The following HSPA4L variants were observed in gnomAD, a reference collection of about 807,000 sequenced individuals.
HSPA4L encodes heat shock 70 kDa protein 4L.
Under a neutral mutation model 100.3 loss-of-function variants are expected in HSPA4L, and 48 were observed. The ratio of observed to expected loss-of-function variants is 0.48; its 90% CI spans 0.38 to 0.61. HSPA4L has a LOEUF of 0.61. HSPA4L is among the 20% of genes least tolerant of loss of function. HSPA4L has a pLI of 0.00. For missense variants in HSPA4L, 886 were observed against 988.6 expected (o/e 0.90, Z 1.39); for synonymous variants, 319 against 328.2 (o/e 0.97, Z 0.30).
intron 17 of HSPA4L, among the ~76,000 whole-genome samples, chr4:127,829,993 TTC>T (rs1553935082): frequency 6.6e-6 from 1 of 152,028 alleles, no homozygotes; most frequent in Non-Finnish European, 1.5e-5. Flanking sequence ...GGGGTTTTTT[TTC>T]TTCATATATA....
In HSPA4L at chr4:127,795,777, A is replaced by T. The variant is rs1306083724; in HGVS notation, c.175A>T (p.Asn59Tyr). Residue 59 changes from asparagine (N) to tyrosine (Y), a missense_variant, in exon 3 of 19, where the codon AAC (asparagine) becomes TAC (tyrosine). Physicochemically the swap from Asn to Tyr is moderately radical, Grantham distance 143. Coordinates refer to ENST00000296464, the MANE Select transcript of HSPA4L (RefSeq NM_014278.4). ...GNAAKSQIVTNVRNTIHGFKK... is the reference protein window; with the variant it reads ...GNAAKSQIVTYVRNTIHGFKK... The stretch of plus-strand genomic sequence containing the variant: ...TGTTTACTGCCAACAGATAGTCACG[A>T]ACGTAAGAAATACAATTCATGGCTT... 6.2e-7 allele frequency: 1 copy of T among 1,613,578 alleles called. No homozygotes were observed. The highest frequency in any genetic ancestry group is 2.2e-5 in the East Asian group (1 of 44,846).
At chr4:127,783,378 G>T (rs1732623134) in intron 1 of HSPA4L, 2 of 438,000 alleles carry the variant, frequency 4.6e-6, no homozygotes, top group African/African-American at 4.3e-5. Context: ...GGGTTGGGTC[G>T]GACCAAAAGC....
At chr4:127,796,924 C>T (rs1733037272) in intron 3 of HSPA4L, among the ~76,000 whole-genome samples, 3 of 152,182 alleles carry the variant, frequency 2.0e-5, no homozygotes, top group Non-Finnish European at 4.4e-5. Context: ...CTGAATTGTA[C>T]ACTTCAGAAG....
rs906759106 is a variant in HSPA4L at position 127,835,085 on chromosome 4, T to C, written c.*2211T>C. ...GTGCTCTCTTTAATGCAGCTTTGGG[T>C]AGACAGTCTAATTCAGTCCAATTTT... On this transcript the variant is annotated 3_prime_UTR_variant, in exon 19 of 19. Transcript: ENST00000296464. The C allele has an allele frequency of 4.6e-5, 7 of 152,140 alleles. No individual in the cohort carries two copies. Among genetic ancestry groups the C allele is most frequent in the African/African-American group, 1.7e-4 (7 of 41,432 alleles). 9.4% of individuals were successfully genotyped at this position (152,140 alleles called of 1,614,324 possible).
intron 1 of HSPA4L, chr4:127,783,446 T>A (rs1732626167): frequency 1.5e-6 from 2 of 1,359,378 alleles, no homozygotes; most frequent in African/African-American, 2.9e-5. Flanking sequence ...TAAACATGAC[T>A]GTGGAGTGAT....
At position 127,792,860 on chromosome 4, in the gene HSPA4L, T is replaced by C. The variant is rs189864975; in HGVS notation, c.108-1217T>C. ...CATTTGAGCAGAGACCTGAAAGGAG[T>C]GAGAGCACCAGCCACATGGATGTAT... is the stretch of plus-strand genomic sequence containing the variant. On this transcript the variant is annotated intron_variant, in intron 1 of 18. Transcript: ENST00000296464. Among the ~76,000 whole-genome samples, 475 of 152,086 alleles carry C rather than the reference T, an allele frequency of 3.1e-3. 4 individuals carry two copies. Among genetic ancestry groups the C allele is most frequent in the African/African-American group, 0.011 (459 of 41,480 alleles).
intron 1 of HSPA4L, among the ~76,000 whole-genome samples, chr4:127,789,664 C>A (rs1263600318): frequency 6.6e-6 from 1 of 150,954 alleles, no homozygotes; most frequent in African/African-American, 2.4e-5. Context: ...AAAAAGAAAA[C>A]CCTCCCTTTA....
At chr4:127,802,841 T>G (rs549247129) in intron 6 of HSPA4L, among the ~76,000 whole-genome samples, 4 of 152,264 alleles carry the variant, frequency 2.6e-5, no homozygotes, top group Middle Eastern at 3.4e-3. Flanking sequence ...CCACGCAGAT[T>G]GTACTCATAT....
chr4:127,814,354 T>C (rs1319339338), intron 12 of HSPA4L, among the ~76,000 whole-genome samples: 1 of 152,210 alleles, frequency 6.6e-6, no homozygotes, highest in Admixed American at 6.5e-5. Context: ...GTAGCTAACA[T>C]TATGGATCAT....
At chr4:127,791,534 T>TG (rs1732875024) in intron 1 of HSPA4L, among the ~76,000 whole-genome samples, 1 of 152,236 alleles carries the variant, frequency 6.6e-6, no homozygotes, top group African/African-American at 2.4e-5. Context: ...CACATATGGC[T>TG]GGTGGCTAGT....
In HSPA4L at chr4:127,808,136, T is replaced by TA. The variant is rs760001129; in HGVS notation, c.1378+15dup. ...TATCCTGATGCAAGAATTGGTAAGA[T>TA]AAAAAAAAGTTCTCCATAACATTTT... On this transcript the variant is annotated splice_region_variant and intron_variant, in intron 11 of 18. Coordinates refer to ENST00000296464, the MANE Select transcript of HSPA4L (RefSeq NM_014278.4). 10 of 1,579,468 alleles carry TA rather than the reference T, an allele frequency of 6.3e-6. No individual in the cohort carries two copies. Among genetic ancestry groups the TA allele is most frequent in the Admixed American group, 2.0e-5 (1 of 49,444 alleles).
intron 12 of HSPA4L, among the ~76,000 whole-genome samples, chr4:127,815,650 AT>A (rs1578713329): frequency 1.3e-5 from 2 of 152,018 alleles, no homozygotes; most frequent in African/African-American, 4.8e-5. Context: ...TATTTTTTTA[AT>A]TCCACATATT....
At chr4:127,783,366 C>T (rs1165245695) in intron 1 of HSPA4L, among the ~76,000 whole-genome samples, 1 of 151,904 alleles carries the variant, frequency 6.6e-6, no homozygotes, top group Non-Finnish European at 1.5e-5. Flanking sequence ...TGGAATGCGG[C>T]GGGGTTGGGT....
chr4:127,817,250 G>C (rs1257262479), intron 12 of HSPA4L, among the ~76,000 whole-genome samples: 1 of 152,036 alleles, frequency 6.6e-6, no homozygotes, highest in African/African-American at 2.4e-5. Flanking sequence ...ATTTTTAGTA[G>C]AGACAGGGTT....
rs528040530 is a variant in HSPA4L, at chr4:127,819,737, AT to A, written c.1675-688del. Among the ~76,000 whole-genome samples the A allele has an allele frequency of 3.1e-3, 477 of 152,230 alleles. 4 individuals carry two copies. The highest frequency in any genetic ancestry group is 0.011 in the African/African-American group (461 of 41,550). On this transcript the variant is annotated intron_variant, in intron 13 of 18. Transcript: ENST00000296464. ...ACGTACAGTTATACAGTATGTACTT[AT>A]TTGTGACTGGCTTTCACCAAACATA... is the stretch of plus-strand genomic sequence containing the variant.
In HSPA4L at chr4:127,836,619, A is replaced by C. The variant is rs1734218908; in HGVS notation, c.*3745A>C. 6.6e-6 allele frequency: 1 copy of C among 151,956 alleles called. No individual in the cohort carries two copies. Among genetic ancestry groups the C allele is most frequent in the African/African-American group, 2.4e-5 (1 of 41,408 alleles). 9.4% of individuals were successfully genotyped at this position (151,956 alleles called of 1,614,324 possible). On this transcript the variant is annotated 3_prime_UTR_variant, in exon 19 of 19. Transcript: ENST00000296464. The stretch of plus-strand genomic sequence containing the variant: ...GGGCTCAATAATTTAACATAATGTC[A>C]GTGTTAAAGCACTTAATCCAAATTA...
chr4:127,793,308 A>G (rs1231028301), intron 1 of HSPA4L, among the ~76,000 whole-genome samples: 1 of 152,172 alleles, frequency 6.6e-6, no homozygotes, highest in Non-Finnish European at 1.5e-5. Context: ...AGTATTATTC[A>G]TAATTCTATA....
In HSPA4L at chr4:127,822,507, T is replaced by C. The variant is rs75746747; in HGVS notation, c.1813-262T>C. ...TATCTGTTCAAGTCTCTGCTTTCAA[T>C]TTTTTGTGGGTGTATCTAGGAGTGA... On this transcript the variant is annotated intron_variant, in intron 14 of 18. Coordinates refer to ENST00000296464, the MANE Select transcript of HSPA4L (RefSeq NM_014278.4). 6.4e-3 allele frequency among the ~76,000 whole-genome samples: 971 copies of C among 152,308 alleles called. 14 individuals carry two copies. Among genetic ancestry groups the C allele is most frequent in the African/African-American group, 0.022 (909 of 41,574 alleles).
Position 127,782,395 on chromosome 4 carries a change from T to G in HSPA4L, c.-156T>G, listed in dbSNP as rs1732582996. 5 of 633,340 alleles carry G rather than the reference T, an allele frequency of 7.9e-6. No individual in the cohort carries two copies. Among genetic ancestry groups the G allele is most frequent in the African/African-American group, 1.8e-5 (1 of 54,506 alleles). The allele number at this position is 633,340 out of a possible 1,614,324, so 39.2% of individuals were successfully genotyped here. ...ACGGCCTCTGCTCCTTCCGCGGGTT[T>G]CCGACTCCCTGCCCTAGATTTTCTG... On this transcript the variant is annotated 5_prime_UTR_variant, in exon 1 of 19. Coordinates refer to ENST00000296464, the MANE Select transcript of HSPA4L (RefSeq NM_014278.4).
Sources: gnomAD v4.1 joint callset for allele counts (sites outside exome capture counted in the v4.1 genomes callset) on GRCh38, gnomAD v4.1.1 for gene constraint, MANE v1.5 for transcripts, NCBI Gene and HGNC (gene_info 2026-07-23, HGNC 2026-07-21) for gene names.